Variants in MTM1 observed in about 807,000 individuals in gnomAD.
MTM1 encodes myotubularin 1.
MTM1 carries 9 observed loss-of-function variants against 52.1 expected under a neutral mutation model. The ratio of observed to expected loss-of-function variants is 0.17; its 90% CI spans 0.10 to 0.30. The LOEUF is 0.30. MTM1 is among the 10% of genes least tolerant of loss of function. MTM1 has a pLI of 1.00. For missense variants in MTM1, 277 were observed against 470.7 expected, an observed-to-expected ratio of 0.59 and a Z score of 3.81; for synonymous variants, 136 against 163.8, an observed-to-expected ratio of 0.83 and a Z score of 1.29.
chrX:150,624,180 T>C (rs1397583214), intron 6 of MTM1, among the ~76,000 whole-genome samples: 5 of 112,338 alleles, frequency 4.5e-5, no homozygotes, highest in Admixed American at 9.4e-5. Flanking sequence ...TGTTTCTGTG[T>C]TATGTCAATC....
intron 1 of MTM1, among the ~76,000 whole-genome samples, chrX:150,584,121 C>T (rs1557412144): frequency 2.0e-5 from 2 of 101,245 alleles, no homozygotes; most frequent in Non-Finnish European, 4.0e-5. Context: ...TATATGCATG[C>T]TAGGAATGGG....
chrX:150,608,643 T>G (rs2039215115), intron 4 of MTM1, among the ~76,000 whole-genome samples: 1 of 111,984 alleles, frequency 8.9e-6, no homozygotes, highest in South Asian at 3.7e-4. Context: ...CATACATATT[T>G]TGTGTGGTCA....
intron 1 of MTM1, chrX:150,591,057 CA>C: frequency 1.4e-6 from 1 of 739,209 alleles, no homozygotes; most frequent in Non-Finnish European, 1.6e-6. Context: ...AAAGGTTTTT[CA>C]AAGCATATTT....
Position 150,645,949 on chromosome X carries a change from A to G in MTM1, c.867+78A>G, listed in dbSNP as rs1350126139. The G allele has an allele frequency of 1.4e-5, 13 of 930,374 alleles. No individual in the cohort carries two copies. In the East Asian group the frequency reaches 4.0e-4, roughly 29 times the overall value. 76.7% of individuals were successfully genotyped at this position (930,374 alleles called of 1,213,427 possible). A position where few individuals can be genotyped will look rare whatever the true frequency, so the allele number is the denominator to read the frequency against. On this transcript the variant is annotated intron_variant, in intron 9 of 14. Coordinates refer to ENST00000370396, the MANE Select transcript of MTM1 (RefSeq NM_000252.3). Reference sequence around the variant, plus strand: ...GTTTTCTGTGAATGTTTTTGCCATGATATAGAAACACGTGGGTTTAAATTA... The same window carrying G: ...GTTTTCTGTGAATGTTTTTGCCATGGTATAGAAACACGTGGGTTTAAATTA...
chrX:150,593,981 AGT>A (rs1289405706), intron 2 of MTM1, among the ~76,000 whole-genome samples: 11 of 110,874 alleles, frequency 9.9e-5, no homozygotes, highest in African/African-American at 3.0e-4. Context: ...AGTAAATAAA[AGT>A]GTGTTTGTTA....
intron 9 of MTM1, among the ~76,000 whole-genome samples, chrX:150,646,344 A>G (rs1395072620): frequency 8.8e-6 from 1 of 113,197 alleles, no homozygotes; most frequent in African/African-American, 3.2e-5. Flanking sequence ...AGGTCCACGT[A>G]TGTGAGTTTT....
intron 10 of MTM1, among the ~76,000 whole-genome samples, chrX:150,655,852 G>A (rs1343298730): frequency 1.8e-5 from 2 of 111,502 alleles, no homozygotes; most frequent in African/African-American, 6.5e-5. Flanking sequence ...AAATCTTATT[G>A]CACTCACACT....
At chrX:150,590,046 A>G (rs1557412415) in intron 1 of MTM1, among the ~76,000 whole-genome samples, 1 of 112,165 alleles carries the variant, frequency 8.9e-6, no homozygotes, top group East Asian at 2.8e-4. Context: ...AATAGCAACC[A>G]AAGCCCAGAG....
chrX:150,584,986 G>T (rs2038757887), intron 1 of MTM1, among the ~76,000 whole-genome samples: 1 of 110,225 alleles, frequency 9.1e-6, no homozygotes, highest in Non-Finnish European at 1.9e-5. Flanking sequence ...TCCGCAGTTG[G>T]TTGAATCCCT....
chrX:150,615,732 A>G (rs1404507208), intron 5 of MTM1, among the ~76,000 whole-genome samples: 1 of 112,175 alleles, frequency 8.9e-6, no homozygotes, highest in African/African-American at 3.2e-5. Flanking sequence ...ATGCTGCAAT[A>G]TGGTGTTTTT....
rs182513715 is a variant in MTM1, at chrX:150,652,602, T to C, written c.1053+2701T>C. Among the ~76,000 whole-genome samples the C allele has an allele frequency of 2.9e-3, 273 of 95,021 alleles. 7 individuals are homozygous for C. The Admixed American group carries it at 0.032, about 11-fold the overall frequency. 82.5% of individuals were successfully genotyped at this position (95,021 alleles called of 115,157 possible). On this transcript the variant is annotated intron_variant, in intron 10 of 14. Transcript: ENST00000370396. ...ATGTACAAGAAAAGTTATATATATATACATATATATATACATATATATACA... is the reference window on the plus strand; with the variant it reads ...ATGTACAAGAAAAGTTATATATATACACATATATATATACATATATATACA...
At chrX:150,567,442 GA>G (rs1302029324), upstream of MTM1, among the ~76,000 whole-genome samples, 17 of 111,110 alleles carry the variant, frequency 1.5e-4, no homozygotes, top group Admixed American at 1.5e-3. Context: ...ACATACAAGA[GA>G]AAAAAAACAG....
At position 150,672,016 on chromosome X, in the gene MTM1, C is replaced by A; in HGVS notation, c.*421C>A. 6.8e-6 allele frequency: 1 copy of A among 146,706 alleles called. No homozygotes were observed. Among genetic ancestry groups the A allele is most frequent in the Non-Finnish European group, 1.3e-5 (1 of 75,092 alleles). The allele number at this position is 146,706 out of a possible 1,213,427, so 12.1% of individuals were successfully genotyped here. On this transcript the variant is annotated 3_prime_UTR_variant, in exon 15 of 15. Transcript: ENST00000370396. ...TGCTTTGGATTCTCTAAGATGAATC[C>A]AAATGTGAAAGATGCATGTTACTGC...
intron 6 of MTM1, among the ~76,000 whole-genome samples, chrX:150,629,958 A>T (rs2039637584): frequency 8.9e-6 from 1 of 112,030 alleles, no homozygotes; most frequent in African/African-American, 3.3e-5. Context: ...TCCATCCACC[A>T]ATAGACATTG....
intron 1 of MTM1, among the ~76,000 whole-genome samples, chrX:150,583,927 T>TATTTAATA (rs1557412128): frequency 2.4e-5 from 1 of 41,335 alleles, no homozygotes; most frequent in Non-Finnish European, 4.8e-5. Context: ...AAAATATATA[T>TATTTAATA]TAAATTAAAA....
chrX:150,568,366 C>T (rs191959966), upstream of MTM1, among the ~76,000 whole-genome samples: 1 of 113,483 alleles, frequency 8.8e-6, no homozygotes, highest in Non-Finnish European at 1.9e-5. Flanking sequence ...ATCCCCAGCA[C>T]CATATTGCGA....
intron 1 of MTM1, among the ~76,000 whole-genome samples, chrX:150,587,121 C>T (rs2038803472): frequency 9.0e-6 from 1 of 110,649 alleles, no homozygotes; most frequent in East Asian, 2.8e-4. Context: ...GGTCTGAATA[C>T]AGAATCCCTT....
intron 4 of MTM1, among the ~76,000 whole-genome samples, chrX:150,601,440 T>G (rs782731902): frequency 1.5e-4 from 17 of 112,130 alleles, no homozygotes; most frequent in Non-Finnish European, 3.2e-4. Context: ...TGAAAAAAAT[T>G]TTGTTGCATG....
intron 8 of MTM1, among the ~76,000 whole-genome samples, chrX:150,641,822 G>A (rs930996192): frequency 5.4e-5 from 6 of 111,496 alleles, no homozygotes; most frequent in Non-Finnish European, 9.4e-5. Context: ...TATAAAATGT[G>A]TCAGCACAGA....
Sources: allele counts gnomAD v4.1 joint callset (sites outside exome capture counted in the v4.1 genomes callset), GRCh38; gene constraint gnomAD v4.1.1; transcripts MANE v1.5; gene names NCBI Gene and HGNC (gene_info 2026-07-23, HGNC 2026-07-21).